The following GINS4 variants were observed in gnomAD, a reference collection of about 807,000 sequenced individuals.
The protein encoded by GINS4 is GINS complex subunit 4, also known as DNA replication complex GINS protein SLD5.
A neutral mutation model predicts 31.1 loss-of-function variants in GINS4; 20 were observed. That is an observed-to-expected ratio of 0.64 (90% CI 0.45 to 0.93). The LOEUF is 0.93. GINS4 is among the 40% of genes least tolerant of loss of function. GINS4 has a pLI of 0.00. For synonymous variants in GINS4, 85 were observed against 97.9 expected (o/e 0.87, Z 0.78); for missense variants, 245 against 273.9 (o/e 0.89, Z 0.75).
At chr8:41,536,545 T>C in intron 3 of GINS4, 99 bp downstream of exon 3, 1 of 691,392 alleles carries the variant, frequency 1.4e-6, no homozygotes, top group East Asian at 2.5e-5. Flanking sequence ...TCTGTTTTGT[T>C]TGGCTCCACT....
In GINS4 at chr8:41,542,539, C is replaced by G. The variant is rs912573672; in HGVS notation, c.*452C>G. On this transcript the variant is annotated 3_prime_UTR_variant, in exon 8 of 8. Transcript: ENST00000276533. ...AGGCATGGTGGCGGGCCCATCTACT[C>G]AGGAGGCTGAGGCAGGAGAATGGTG... The G allele has an allele frequency of 1.1e-5, 2 of 178,118 alleles. No individual in the cohort carries two copies. The highest frequency in any genetic ancestry group is 2.4e-5 in the Non-Finnish European group (2 of 82,108). 11.0% of individuals were successfully genotyped at this position (178,118 alleles called of 1,614,324 possible).
rs1341244449 is a variant in GINS4 at position 41,541,826 on chromosome 8, G to A, written c.502G>A (p.Asp168Asn). Residue 168 changes from aspartate to asparagine, a missense_variant, in exon 7 of 8, where the codon GAT becomes AAT. Physicochemically the swap from Asp to Asn is conservative, Grantham distance 23 (BLOSUM62 1). Transcript: ENST00000276533. The part of the protein sequence containing the change: ...LFRAVPKPDL[D>N]SYVFLRVRER... Reference sequence around the variant, plus strand: ...CCTGGCAGTTCCCAAACCAGATCTAGATTCTTACGTGTTTCTGAGAGTGAG... The same window carrying A: ...CCTGGCAGTTCCCAAACCAGATCTAAATTCTTACGTGTTTCTGAGAGTGAG... 2 of 1,614,048 alleles carry A rather than the reference G, an allele frequency of 1.2e-6. No individual in the cohort carries two copies. Among genetic ancestry groups the A allele is most frequent in the Non-Finnish European group, 1.7e-6 (2 of 1,179,926 alleles).
At chr8:41,535,444 GT>G (rs1303221079) in intron 2 of GINS4, among the ~76,000 whole-genome samples, 4 of 151,938 alleles carry the variant, frequency 2.6e-5, no homozygotes, top group African/African-American at 9.7e-5. Context: ...CATTATGCAG[GT>G]TTTTTTTGTT....
chr8:41,531,526 C>T (rs564599349), intron 2 of GINS4, among the ~76,000 whole-genome samples: 1 of 152,150 alleles, frequency 6.6e-6, no homozygotes. Flanking sequence ...AATGACAAAA[C>T]GGAACTAAAA....
intron 2 of GINS4, among the ~76,000 whole-genome samples, chr8:41,531,722 T>G (rs1387452775): frequency 6.6e-6 from 1 of 152,102 alleles, no homozygotes; most frequent in African/African-American, 2.4e-5. Context: ...TCCCCTGAAA[T>G]CCACCCACAG....
In GINS4 at chr8:41,542,090, C is replaced by T. The variant is rs1806851859; in HGVS notation, c.*3C>T. On this transcript the variant is annotated 3_prime_UTR_variant, in exon 8 of 8. Coordinates refer to ENST00000276533, the MANE Select transcript of GINS4 (RefSeq NM_032336.3). ...CTGGAGCTGTCCAGCTAATTTAAAA[C>T]TAGGCATAAACAGCCAGGCATGGTG... 1.2e-6 allele frequency: 2 copies of T among 1,610,934 alleles called. No individual in the cohort carries two copies. Among genetic ancestry groups the T allele is most frequent in the Non-Finnish European group, 1.7e-6 (2 of 1,177,220 alleles).
chr8:41,529,870 C>G (rs1202293048), intron 1 of GINS4: 3 of 205,510 alleles, frequency 1.5e-5, no homozygotes, highest in African/African-American at 4.7e-5. Flanking sequence ...TAAAACGAAC[C>G]CCGTCCCTGA....
At chr8:41,538,797 C>G (rs959037082) in intron 4 of GINS4, among the ~76,000 whole-genome samples, 2 of 152,008 alleles carry the variant, frequency 1.3e-5, no homozygotes, top group Non-Finnish European at 2.9e-5. Context: ...CTTCGCCCCC[C>G]AGGTTGACGT....
In GINS4 at chr8:41,543,024, G is replaced by T. The variant is rs1302303994; in HGVS notation, c.*937G>T. On this transcript the variant is annotated 3_prime_UTR_variant, in exon 8 of 8. Transcript: ENST00000276533. ...CTGCCTGTGATCGGGGCTGCATTTA[G>T]CCCTGACCTGATAATGGTAGGAGAG... The T allele has an allele frequency of 1.3e-5, 2 of 152,218 alleles. No individual in the cohort carries two copies. The highest frequency in any genetic ancestry group is 2.4e-5 in the African/African-American group (1 of 41,468). 9.4% of individuals were successfully genotyped at this position (152,218 alleles called of 1,614,324 possible).
chr8:41,537,023 T>C (rs762726863), intron 3 of GINS4, 157 bp from the exon 4 acceptor site: 8 of 589,662 alleles, frequency 1.4e-5, no homozygotes, highest in African/African-American at 1.9e-5. Flanking sequence ...TTTCTAAAAG[T>C]AAATGACTAT....
At chr8:41,530,080 C>A in intron 1 of GINS4, 104 bp from the exon 2 acceptor site, 1 of 710,128 alleles carries the variant, frequency 1.4e-6, no homozygotes, top group Non-Finnish European at 2.4e-6. Flanking sequence ...GCCTCTACAA[C>A]CCCAGGAAAC....
Position 41,542,435 on chromosome 8 carries a change from T to A in GINS4, c.*348T>A, listed in dbSNP as rs1585625588. On this transcript the variant is annotated 3_prime_UTR_variant, in exon 8 of 8. Coordinates refer to ENST00000276533, the MANE Select transcript of GINS4 (RefSeq NM_032336.3). ...ACAAACTAGGCATAAACTCATGAGG[T>A]CAGGAGATCAAGACCATCCTGGCTA... 1 of 289,838 alleles carries A rather than the reference T, an allele frequency of 3.5e-6. No homozygotes were observed. The highest frequency in any genetic ancestry group is 3.6e-5 in the South Asian group (1 of 27,806). The allele number at this position is 289,838 out of a possible 1,614,324, so 18.0% of individuals were successfully genotyped here. A position where few individuals can be genotyped will look rare whatever the true frequency, so the allele number is the denominator to read the frequency against.
In GINS4 at chr8:41,542,179, C is replaced by A. The variant is rs912670265; in HGVS notation, c.*92C>A. ...CGGGCGGATCATGAGGTCAGGAGTT[C>A]GAGACCAACCGACCAACATGGTGAA... is the stretch of plus-strand genomic sequence containing the variant. On this transcript the variant is annotated 3_prime_UTR_variant, in exon 8 of 8. Coordinates refer to ENST00000276533, the MANE Select transcript of GINS4 (RefSeq NM_032336.3). 2.3e-6 allele frequency: 2 copies of A among 854,194 alleles called. No homozygotes were observed. The highest frequency in any genetic ancestry group is 1.7e-5 in the African/African-American group (1 of 60,358). The allele number at this position is 854,194 out of a possible 1,614,324, so 52.9% of individuals were successfully genotyped here. A position where few individuals can be genotyped will look rare whatever the true frequency, so the allele number is the denominator to read the frequency against.
chr8:41,532,172 T>G (rs1307536800), intron 2 of GINS4, among the ~76,000 whole-genome samples: 2 of 152,224 alleles, frequency 1.3e-5, no homozygotes, highest in African/African-American at 4.8e-5. Flanking sequence ...TGCAAAATAC[T>G]AATATGTAGC....
intron 2 of GINS4, chr8:41,534,276 A>G (rs775506426): frequency 2.2e-4 from 96 of 427,630 alleles, no homozygotes; most frequent in Admixed American, 2.3e-4. Context: ...GCTTTGTGGT[A>G]TGTACCTTTA....
At chr8:41,535,835 G>A (rs544403934) in intron 2 of GINS4, among the ~76,000 whole-genome samples, 80 of 152,246 alleles carry the variant, frequency 5.3e-4, no homozygotes, top group African/African-American at 1.9e-3. Context: ...ATACTTTGGG[G>A]CCATTAGTAA....
intron 2 of GINS4, among the ~76,000 whole-genome samples, chr8:41,531,505 A>G (rs61662070): frequency 6.6e-6 from 1 of 152,194 alleles, no homozygotes; most frequent in Non-Finnish European, 1.5e-5. Context: ...CCTGCCATAC[A>G]TGATATCACG....
At position 41,543,968 on chromosome 8, in the gene GINS4, A is replaced by C. The variant is rs1424195388; in HGVS notation, c.*1881A>C. 6.6e-6 allele frequency: 1 copy of C among 152,198 alleles called. No individual in the cohort carries two copies. The highest frequency in any genetic ancestry group is 1.5e-5 in the Non-Finnish European group (1 of 68,082). The allele number at this position is 152,198 out of a possible 1,614,324, so 9.4% of individuals were successfully genotyped here. A position where few individuals can be genotyped will look rare whatever the true frequency, so the allele number is the denominator to read the frequency against. On this transcript the variant is annotated 3_prime_UTR_variant, in exon 8 of 8. Transcript: ENST00000276533. ...GTGATCCACCCACCTCGGCCTCCCA[A>C]AGTGCTGGAATTATAGGCGTGAGCC... is the stretch of plus-strand genomic sequence containing the variant.
chr8:41,532,832 C>CAA (rs369894142), intron 2 of GINS4, among the ~76,000 whole-genome samples: 126 of 67,742 alleles, frequency 1.9e-3, no homozygotes, highest in African/African-American at 5.4e-3. Context: ...GACTCCATCT[C>CAA]AAAAAAAAAA....
Sources: gnomAD v4.1 joint callset for allele counts (sites outside exome capture counted in the v4.1 genomes callset) on GRCh38, gnomAD v4.1.1 for gene constraint, MANE v1.5 for transcripts, NCBI Gene and HGNC (gene_info 2026-07-23, HGNC 2026-07-21) for gene names.